Variants in USP32 observed in about 807,000 individuals in gnomAD.
USP32 encodes ubiquitin specific peptidase 32, also known as ubiquitin carboxyl-terminal hydrolase 32.
Under a neutral mutation model 204.8 loss-of-function variants are expected in USP32, and 59 were observed. The ratio of observed to expected loss-of-function variants is 0.29; its 90% confidence interval spans 0.23 to 0.36. The LOEUF is 0.36. USP32 is among the 10% of genes least tolerant of loss of function. The pLI, the probability that USP32 is intolerant of heterozygous loss-of-function variation, is 1.00. For synonymous variants in USP32, 517 were observed against 678.4 expected (o/e 0.76, Z 3.70); for missense variants, 1,160 against 1,946.4 (o/e 0.60, Z 7.60).
intron 27 of USP32, among the ~76,000 whole-genome samples, chr17:60,194,479 C>T (rs1598043548): frequency 6.6e-6 from 1 of 152,306 alleles, no homozygotes; most frequent in Admixed American, 6.5e-5. Flanking sequence ...GCATGTGCTA[C>T]TGAATTATGC....
intron 9 of USP32, among the ~76,000 whole-genome samples, chr17:60,261,740 G>A (rs2086458879): frequency 6.6e-6 from 1 of 152,130 alleles, no homozygotes; most frequent in South Asian, 2.1e-4. Flanking sequence ...CATGGTATAA[G>A]AACCTTTTAT....
At chr17:60,329,393 A>G (rs772613018) in intron 2 of USP32, among the ~76,000 whole-genome samples, 36 of 151,980 alleles carry the variant, frequency 2.4e-4, no homozygotes, top group Non-Finnish European at 4.1e-4. Context: ...GTATGAGCCC[A>G]GACCATAAAA....
intron 12 of USP32, among the ~76,000 whole-genome samples, chr17:60,232,168 C>CTTTTTTTTTT (rs58707657): frequency 2.7e-5 from 3 of 109,536 alleles, no homozygotes; most frequent in Non-Finnish European, 5.6e-5. Context: ...TTTTCTTTTT[C>CTTTTTTTTTT]TTTTTTTTTT....
At chr17:60,219,481 T>G in intron 16 of USP32, 189 bp downstream of exon 16, 1 of 808,004 alleles carries the variant, frequency 1.2e-6, no homozygotes. Context: ...CTGTAAAAAT[T>G]AATTACTGAG....
chr17:60,250,063 C>G (rs2086129353), intron 11 of USP32, among the ~76,000 whole-genome samples: 1 of 152,012 alleles, frequency 6.6e-6, no homozygotes, highest in Non-Finnish European at 1.5e-5. Context: ...TTGGAACCAA[C>G]AATTTTAAAT....
intron 1 of USP32, among the ~76,000 whole-genome samples, chr17:60,387,296 T>C (rs1225200259): frequency 6.6e-6 from 1 of 152,188 alleles, no homozygotes; most frequent in Non-Finnish European, 1.5e-5. Context: ...ATAAGCAAAA[T>C]GAAAAGTACT....
At chr17:60,386,861 T>C (rs1417064968) in intron 1 of USP32, among the ~76,000 whole-genome samples, 1 of 152,126 alleles carries the variant, frequency 6.6e-6, no homozygotes, top group African/African-American at 2.4e-5. Context: ...GTGAAAACAG[T>C]GAAATTAGTG....
At position 60,222,439 on chromosome 17, in the gene USP32, C is replaced by G; in HGVS notation, c.1719G>C (p.Trp573Cys). ...PEPVWRALYH[W>C]YGANLALPRP... ...TAGGTAAGGCCAGGTTTGCTCCATA[C>G]CAGTGATAAAGTGCTCTCCACACAG... Residue 573 changes from tryptophan (W) to cysteine (C), a missense_variant, in exon 15 of 34, where the codon TGG becomes TGC. By Grantham distance (215) the Trp-to-Cys change is radical. Coordinates refer to ENST00000300896, the MANE Select transcript of USP32 (RefSeq NM_032582.4). 3 of 1,614,022 alleles carry G rather than the reference C, an allele frequency of 1.9e-6. No individual in the cohort carries two copies. The highest frequency in any genetic ancestry group is 1.3e-5 in the African/African-American group (1 of 75,022).
chr17:60,259,956 C>T (rs1209834859), intron 9 of USP32, among the ~76,000 whole-genome samples: 2 of 152,052 alleles, frequency 1.3e-5, no homozygotes, highest in Non-Finnish European at 2.9e-5. Context: ...TCTTGTTTGC[C>T]TATGGTAAAA....
intron 5 of USP32, among the ~76,000 whole-genome samples, chr17:60,279,927 A>C (rs1240066617): frequency 6.6e-6 from 1 of 151,558 alleles, no homozygotes; most frequent in Non-Finnish European, 1.5e-5. Flanking sequence ...ATTGATTAAA[A>C]AATTAGTTAA....
At chr17:60,354,072 C>A (rs1006903566) in intron 1 of USP32, among the ~76,000 whole-genome samples, 4 of 152,146 alleles carry the variant, frequency 2.6e-5, no homozygotes, top group African/African-American at 9.7e-5. Context: ...AAATTAAATC[C>A]ATTTTTGTAA....
intron 33 of USP32, among the ~76,000 whole-genome samples, chr17:60,179,872 A>G (rs952373260): frequency 4.6e-5 from 7 of 151,940 alleles, no homozygotes; most frequent in African/African-American, 1.7e-4. Flanking sequence ...GGGTTTCACC[A>G]TATTAGCCAG....
At chr17:60,416,398 A>C (rs1434811110) in intron 1 of USP32, among the ~76,000 whole-genome samples, 1 of 152,178 alleles carries the variant, frequency 6.6e-6, no homozygotes, top group Non-Finnish European at 1.5e-5. Flanking sequence ...TATGCCATCA[A>C]AGAGCATGCC....
At chr17:60,263,542 G>A (rs1270169821) in intron 9 of USP32, among the ~76,000 whole-genome samples, 4 of 152,190 alleles carry the variant, frequency 2.6e-5, no homozygotes, top group Non-Finnish European at 5.9e-5. Flanking sequence ...AAATGATCTT[G>A]TTTAATGTTC....
intron 1 of USP32, among the ~76,000 whole-genome samples, chr17:60,381,889 A>G (rs187138029): frequency 6.6e-6 from 1 of 152,180 alleles, no homozygotes; most frequent in East Asian, 1.9e-4. Flanking sequence ...GTCGATACCG[A>G]CCCTCAGAGG....
At chr17:60,252,937 T>C (rs77564057) in intron 10 of USP32, among the ~76,000 whole-genome samples, 9,149 of 152,256 alleles carry the variant, frequency 0.06, 350 homozygotes, top group East Asian at 0.11. Flanking sequence ...TAATTGCATA[T>C]ATTAATTGTA....
At chr17:60,295,118 G>A (rs1343295056) in intron 3 of USP32, among the ~76,000 whole-genome samples, 1 of 151,902 alleles carries the variant, frequency 6.6e-6, no homozygotes, top group Non-Finnish European at 1.5e-5. Flanking sequence ...GAGTAATTTG[G>A]CAAAATCTAG....
At chr17:60,278,173 G>C (rs1435471595) in intron 5 of USP32, among the ~76,000 whole-genome samples, 2 of 151,578 alleles carry the variant, frequency 1.3e-5, no homozygotes, top group Non-Finnish European at 2.9e-5. Context: ...CAAAGTGCTG[G>C]GATTACAGGC....
chr17:60,211,061 C>G lies in USP32; in HGVS notation c.2376G>C (p.Gln792His). 4.3e-6 allele frequency: 7 copies of G among 1,612,778 alleles called. No homozygotes were observed. Among genetic ancestry groups the G allele is most frequent in the Non-Finnish European group, 5.9e-6 (7 of 1,178,964 alleles). ...TCTTCTGAGTTCCACTCCAAAGTTCCTGCACTAAATCACCATAGCATTTAG... is the reference window on the plus strand; with the variant it reads ...TCTTCTGAGTTCCACTCCAAAGTTCGTGCACTAAATCACCATAGCATTTAG... Reference protein sequence around the residue: ...HMAKCYGDLVQELWSGTQKNV... With the variant: ...HMAKCYGDLVHELWSGTQKNV... The change falls in exon 21 of 34, where the codon CAG becomes CAC. Residue 792 changes from glutamine to histidine, a missense_variant. Transcript: ENST00000300896.
Sources: allele counts gnomAD v4.1 joint callset (sites outside exome capture counted in the v4.1 genomes callset), GRCh38; gene constraint gnomAD v4.1.1; transcripts MANE v1.5; gene names NCBI Gene and HGNC (gene_info 2026-07-23, HGNC 2026-07-21).